SIMC1: variants seen among roughly 807,000 people sequenced by gnomAD.
SIMC1 encodes the protein SUMO-interacting motif-containing protein 1.
SIMC1 carries 55 observed loss-of-function variants against 82.3 expected under a neutral mutation model. The observed-to-expected ratio is 0.67, with a 90% CI of 0.54 to 0.84. The LOEUF (loss-of-function observed/expected upper bound fraction) is 0.84. Among genes scored for constraint, SIMC1 ranks in the 40% least tolerant of loss-of-function variants. SIMC1 has a pLI of 0.00. For synonymous variants in SIMC1, 353 were observed against 426.3 expected, an observed-to-expected ratio of 0.83 and a Z score of 2.12; for missense variants, 915 against 1,107.2, an observed-to-expected ratio of 0.83 and a Z score of 2.46.
intron 9 of SIMC1, among the ~76,000 whole-genome samples, chr5:176,338,100 C>G (rs1385069853): frequency 6.6e-6 from 1 of 152,178 alleles, no homozygotes; most frequent in Admixed American, 6.5e-5. Context: ...GATGCATCAT[C>G]ATGTATGTAA....
At chr5:176,304,715 C>G (rs538325480) in intron 4 of SIMC1, among the ~76,000 whole-genome samples, 2 of 150,182 alleles carry the variant, frequency 1.3e-5, no homozygotes, top group African/African-American at 4.9e-5. Context: ...CGTCTCCGCC[C>G]GGCCGCCATC....
chr5:176,281,488 G>A (rs1381818249), intron 1 of SIMC1, among the ~76,000 whole-genome samples: 3 of 152,200 alleles, frequency 2.0e-5, no homozygotes, highest in African/African-American at 7.2e-5. Context: ...CGATCCTTTG[G>A]AGGAGGAGAG....
chr5:176,308,404 C>T, intron 4 of SIMC1: 1 of 1,606,660 alleles, frequency 6.2e-7, no homozygotes, highest in East Asian at 2.2e-5. Context: ...ACAGGCCACC[C>T]CATGAGAGTT....
At chr5:176,310,560 T>C (rs1176743396) in intron 4 of SIMC1, among the ~76,000 whole-genome samples, 2 of 152,214 alleles carry the variant, frequency 1.3e-5, no homozygotes, top group Non-Finnish European at 2.9e-5. Context: ...GGTCACATAA[T>C]GTATGATTGC....
intron 4 of SIMC1, among the ~76,000 whole-genome samples, chr5:176,298,199 C>T (rs545827810): frequency 6.6e-6 from 1 of 152,260 alleles, no homozygotes; most frequent in Non-Finnish European, 1.5e-5. Flanking sequence ...TGCCCATGTC[C>T]CTCTCCCTCC....
intron 4 of SIMC1, among the ~76,000 whole-genome samples, chr5:176,297,502 C>CAAA (rs896827211): frequency 9.8e-4 from 35 of 35,850 alleles, no homozygotes; most frequent in Non-Finnish European, 1.2e-3. Context: ...AACTCTGTCT[C>CAAA]AAAAAAAAAA....
Position 176,290,522 on chromosome 5 carries a change from G to T in SIMC1, c.998G>T (p.Gly333Val). 1 of 1,613,926 alleles carries T rather than the reference G, an allele frequency of 6.2e-7. No individual in the cohort carries two copies. Among genetic ancestry groups the T allele is most frequent in the South Asian group, 1.1e-5 (1 of 91,064 alleles). ...TCACCAGATGCACCACAGTCACCAG[G>T]GGGCATGCCACACTTACCGGGAGAT... ...SPSPDAPQSP[G>V]GMPHLPGDVL... is the part of the protein sequence containing the mutation. Residue 333 changes from glycine to valine, a missense_variant, in exon 2 of 10, where the codon GGG becomes GTG. By Grantham distance (109) the Gly-to-Val change is moderately radical (BLOSUM62 -3). This residue lies in a region of SIMC1 where 902 missense variants were observed against 1,040.3 expected (regional missense o/e 0.87). Transcript: ENST00000429602.
chr5:176,263,394 T>G (rs1186478160), intron 1 of SIMC1: 1 of 1,523,044 alleles, frequency 6.6e-7, no homozygotes, highest in East Asian at 2.5e-5. Flanking sequence ...GAAAAGAGGT[T>G]TATTTGGCTC....
chr5:176,282,197 C>T (rs1371134602), intron 1 of SIMC1, among the ~76,000 whole-genome samples: 1 of 152,218 alleles, frequency 6.6e-6, no homozygotes, highest in African/African-American at 2.4e-5. Context: ...GCTGTGCTAG[C>T]AATCAGCAAG....
At chr5:176,265,652 G>A (rs994083803) in intron 1 of SIMC1, among the ~76,000 whole-genome samples, 10 of 152,076 alleles carry the variant, frequency 6.6e-5, no homozygotes, top group Middle Eastern at 3.4e-3. Flanking sequence ...GCCAAATATC[G>A]GGATGCCTTA....
chr5:176,290,810 A>G lies in SIMC1; in HGVS notation c.1286A>G (p.Lys429Arg). 1 of 1,613,672 alleles carries G rather than the reference A, an allele frequency of 6.2e-7. No homozygotes were observed. The highest frequency in any genetic ancestry group is 1.1e-5 in the South Asian group (1 of 91,070). Residue 429 changes from lysine to arginine, a missense_variant, in exon 2 of 10, where the codon AAA (lysine) becomes AGA (arginine). By Grantham distance (26) the Lys-to-Arg change is conservative. Transcript: ENST00000429602. The part of the protein sequence containing the change: ...RKEISLSEPA[K>R]PGSAHVQSRT... ...GAAATATCACTGTCAGAGCCTGCCAAACCTGGGTCTGCCCACGTACAATCA... is the reference window on the plus strand; with the variant it reads ...GAAATATCACTGTCAGAGCCTGCCAGACCTGGGTCTGCCCACGTACAATCA...
intron 7 of SIMC1, among the ~76,000 whole-genome samples, chr5:176,328,297 T>C (rs1012974338): frequency 2.0e-5 from 3 of 152,100 alleles, no homozygotes; most frequent in Non-Finnish European, 2.9e-5. Flanking sequence ...GATAAAAATA[T>C]ACATGATTCT....
intron 1 of SIMC1, among the ~76,000 whole-genome samples, chr5:176,265,098 T>C (rs1762149554): frequency 6.6e-6 from 1 of 152,178 alleles, no homozygotes; most frequent in Non-Finnish European, 1.5e-5. Context: ...TGATTGTCTA[T>C]GCAGAAGATC....
intron 1 of SIMC1, among the ~76,000 whole-genome samples, chr5:176,258,110 A>G (rs1196167194): frequency 9.2e-5 from 14 of 152,246 alleles, no homozygotes; most frequent in Admixed American, 8.5e-4. Context: ...CAGTAAAACT[A>G]TAAGACTTCC....
chr5:176,283,779 C>A (rs1207145085), intron 1 of SIMC1, among the ~76,000 whole-genome samples: 1 of 150,640 alleles, frequency 6.6e-6, no homozygotes, highest in African/African-American at 2.4e-5. Context: ...TCAGGAGACC[C>A]ATCTCACATG....
At chr5:176,303,195 G>A (rs984449816) in intron 4 of SIMC1, among the ~76,000 whole-genome samples, 1 of 151,526 alleles carries the variant, frequency 6.6e-6, no homozygotes, top group African/African-American at 2.4e-5. Context: ...TTGAACTCGG[G>A]AGGCAGAGGT....
chr5:176,342,597 G>T (rs973051174), intron 9 of SIMC1, among the ~76,000 whole-genome samples: 2 of 152,154 alleles, frequency 1.3e-5, no homozygotes, highest in African/African-American at 4.8e-5. Flanking sequence ...ACGGCAGAAG[G>T]CTTCCTACCC....
At chr5:176,279,430 G>C (rs771656103) in intron 1 of SIMC1, among the ~76,000 whole-genome samples, 3 of 151,768 alleles carry the variant, frequency 2.0e-5, no homozygotes, top group Non-Finnish European at 4.4e-5. Context: ...ACCAGCTTCT[G>C]GATTCATTAA....
chr5:176,277,092 C>T (rs1479265559), intron 1 of SIMC1, among the ~76,000 whole-genome samples: 5 of 151,908 alleles, frequency 3.3e-5, no homozygotes, highest in Non-Finnish European at 7.3e-5. Context: ...TGTTTCTCCA[C>T]ATCCTCTCCA....
Sources: gnomAD v4.1 joint callset for allele counts (sites outside exome capture counted in the v4.1 genomes callset) on GRCh38, gnomAD v4.1.1 for gene constraint, gnomAD v4.1.1 regional missense constraint, MANE v1.5 for transcripts, NCBI Gene and HGNC (gene_info 2026-07-23, HGNC 2026-07-21) for gene names.